ARID3A: variants seen among roughly 807,000 people sequenced by gnomAD.
ARID3A encodes AT-rich interactive domain-containing protein 3A.
ARID3A carries 11 observed loss-of-function variants against 52.7 expected under a neutral mutation model. The observed-to-expected ratio is 0.21, with a 90% confidence interval of 0.13 to 0.35. The LOEUF is 0.35. Ranked by LOEUF, ARID3A falls within the 10% of genes least tolerant of loss-of-function variation. The pLI is 1.00. For synonymous variants in ARID3A, 404 were observed against 359.4 expected (o/e 1.12, Z -1.40); for missense variants, 721 against 838.5 (o/e 0.86, Z 1.73).
Position 947,271 on chromosome 19 carries a change from GC to G in ARID3A, c.694-12818del, listed in dbSNP as rs2145405870. On this transcript the variant is annotated intron_variant, in intron 3 of 8. Coordinates refer to ENST00000263620, the MANE Select transcript of ARID3A (RefSeq NM_005224.3). The surrounding 1 kb of genome is among the most constrained non-coding windows in gnomAD (Gnocchi z 6.3). ...GATAGAGGGGCTGCTTAAGGCCAGT[GC>G]CCTCGGCGGAGACTCTATTAGGGAC... 6.6e-6 allele frequency among the ~76,000 whole-genome samples: 1 copy of G among 152,278 alleles called. No individual in the cohort carries two copies. The highest frequency in any genetic ancestry group is 6.5e-5 in the Admixed American group (1 of 15,290).
intron 2 of ARID3A, among the ~76,000 whole-genome samples, chr19:932,125 T>A (rs1038982447): frequency 2.0e-5 from 3 of 151,722 alleles, no homozygotes. Context: ...CCTCCCAGAG[T>A]GCTGCCGGGA....
intron 3 of ARID3A, among the ~76,000 whole-genome samples, chr19:954,589 G>A (rs2037874976): frequency 6.6e-6 from 1 of 152,234 alleles, no homozygotes. Flanking sequence ...CACACAGCTG[G>A]GGCCATGCGA....
rs1270074412 is a variant in ARID3A, at chr19:929,634, C to T, written c.106C>T (p.Pro36Ser). Reference sequence around the variant, plus strand: ...GCCCCCCGATCCCCCTGCTGCACCCCCCGGCCGGGCCCGGGCTGCCCCCGA... The same window carrying T: ...GCCCCCCGATCCCCCTGCTGCACCCTCCGGCCGGGCCCGGGCTGCCCCCGA... ...QLPPDPPAAP[P>S]GRARAAPDED... is the part of the protein sequence containing the mutation. Residue 36 changes from proline to serine, a missense_variant, in exon 2 of 9, where the codon CCC (proline) becomes TCC (serine). Physicochemically the swap from Pro to Ser is moderately conservative, Grantham distance 74. Transcript: ENST00000263620. The surrounding 1 kb of genome is among the most constrained non-coding windows in gnomAD (Gnocchi z 6.2). The T allele has an allele frequency of 1.9e-5, 29 of 1,527,978 alleles. No homozygotes were observed. The highest frequency in any genetic ancestry group is 3.9e-5 in the Admixed American group (2 of 50,656). 94.7% of individuals were successfully genotyped at this position (1,527,978 alleles called of 1,614,324 possible).
chr19:956,712 C>T (rs1453046218), intron 3 of ARID3A: 2 of 152,718 alleles, frequency 1.3e-5, no homozygotes, highest in Non-Finnish European at 2.9e-5. Flanking sequence ...GCCTCGACCA[C>T]CCAGGGCAGA....
In ARID3A at chr19:975,485, T is replaced by G. The variant is rs1452316578; in HGVS notation, c.*3420T>G. On this transcript the variant is annotated 3_prime_UTR_variant, in exon 9 of 9. Transcript: ENST00000263620. ...CCCCAATTGTGCTTTTGCATTTTTTTCCTTGGCAAATGTAAACTCAGCCTT... is the reference window on the plus strand; with the variant it reads ...CCCCAATTGTGCTTTTGCATTTTTTGCCTTGGCAAATGTAAACTCAGCCTT... 2.6e-5 allele frequency: 6 copies of G among 227,612 alleles called. No individual in the cohort carries two copies. The East Asian group carries it at 3.1e-4, about 12-fold the overall frequency. 14.1% of individuals were successfully genotyped at this position (227,612 alleles called of 1,614,324 possible). A position where few individuals can be genotyped will look rare whatever the true frequency, so the allele number is the denominator to read the frequency against.
chr19:958,390 TGCACTCCA>T (rs2037966508), intron 3 of ARID3A, among the ~76,000 whole-genome samples: 1 of 136,488 alleles, frequency 7.3e-6, no homozygotes, highest in South Asian at 2.2e-4. Context: ...ATCGCGCCAC[TGCACTCCA>T]GCCTGGGCGA....
In ARID3A at chr19:947,607, C is replaced by G. The variant is rs374842394; in HGVS notation, c.694-12485C>G. Among the ~76,000 whole-genome samples the G allele has an allele frequency of 6.6e-6, 1 of 152,166 alleles. No homozygotes were observed. The highest frequency in any genetic ancestry group is 1.5e-5 in the Non-Finnish European group (1 of 68,036). ...CAGGGTGGCGATCGCACGAAGGGCCCGTCACGGGAGAATGAGGAGGGTCTG... is the reference window on the plus strand; with the variant it reads ...CAGGGTGGCGATCGCACGAAGGGCCGGTCACGGGAGAATGAGGAGGGTCTG... On this transcript the variant is annotated intron_variant, in intron 3 of 8. Transcript: ENST00000263620. This position sits in a 1 kb window ranked among gnomAD's most constrained non-coding sequence, Gnocchi z 6.3.
chr19:948,920 G>T (rs1307379381), intron 3 of ARID3A, among the ~76,000 whole-genome samples: 2 of 152,054 alleles, frequency 1.3e-5, no homozygotes, highest in East Asian at 3.9e-4. Context: ...TGTTGGCCGG[G>T]CTGGTCTCAA....
intron 3 of ARID3A, among the ~76,000 whole-genome samples, chr19:933,655 A>T (rs28587615): frequency 1.3e-5 from 2 of 151,866 alleles, no homozygotes; most frequent in Non-Finnish European, 2.9e-5. Flanking sequence ...AGGAGGGGCC[A>T]AGGCACAGAC....
chr19:935,669 A>C (rs914950663), intron 3 of ARID3A, among the ~76,000 whole-genome samples: 1 of 151,854 alleles, frequency 6.6e-6, no homozygotes, highest in East Asian at 1.9e-4. Flanking sequence ...GGGTCTTGCT[A>C]TGTTGCCCAG....
intron 3 of ARID3A, among the ~76,000 whole-genome samples, chr19:934,656 A>T (rs8100938): frequency 0.015 from 2,303 of 152,044 alleles, 63 homozygotes; most frequent in African/African-American, 0.05. Context: ...GCTTGTGTGT[A>T]GGGACCGGGT....
intron 6 of ARID3A, 128 bp from the exon 7 acceptor site, chr19:966,444 G>T: frequency 1.2e-6 from 1 of 841,362 alleles, no homozygotes; most frequent in Non-Finnish European, 1.7e-6. Flanking sequence ...GGCAACAAGA[G>T]TGAAACTCCG....
In ARID3A at chr19:960,064, C is replaced by G. The variant is rs762479181; in HGVS notation, c.694-28C>G. Reference sequence around the variant, plus strand: ...TCCCACACCTGAGCTCTGGCACCAACTAACCCATCCCCTCTCCACCCTCAC... The same window carrying G: ...TCCCACACCTGAGCTCTGGCACCAAGTAACCCATCCCCTCTCCACCCTCAC... On this transcript the variant is annotated intron_variant, in intron 3 of 8. Transcript: ENST00000263620. The surrounding 1 kb of genome is among the most constrained non-coding windows in gnomAD (Gnocchi z 4.3). 12 of 1,602,648 alleles carry G rather than the reference C, an allele frequency of 7.5e-6. No individual in the cohort carries two copies. The highest frequency in any genetic ancestry group is 9.4e-6 in the Non-Finnish European group (11 of 1,171,738).
chr19:938,990 G>A lies in ARID3A; in HGVS notation c.693+6248G>A, dbSNP rs1473351815. On this transcript the variant is annotated intron_variant, in intron 3 of 8. Transcript: ENST00000263620. This position sits in a 1 kb window ranked among gnomAD's most constrained non-coding sequence, Gnocchi z 4.0. ...TTGTCACCCAGGCTGCAGTGCAATG[G>A]TGCAATCTCAGCTCACTGCAACCTC... 5.4e-5 allele frequency among the ~76,000 whole-genome samples: 8 copies of A among 148,698 alleles called. No individual in the cohort carries two copies. The highest frequency in any genetic ancestry group is 1.0e-4 in the Non-Finnish European group (7 of 67,618).
At chr19:965,155 T>A in intron 6 of ARID3A, 75 bp downstream of exon 6, 2 of 1,453,532 alleles carry the variant, frequency 1.4e-6, no homozygotes, top group Non-Finnish European at 1.8e-6. Context: ...GGGGGATACC[T>A]CTTCCCCTCT....
intron 6 of ARID3A, among the ~76,000 whole-genome samples, chr19:966,186 G>A (rs542968891): frequency 2.0e-5 from 3 of 149,080 alleles, no homozygotes; most frequent in East Asian, 2.0e-4. Flanking sequence ...AAGGCTGGGC[G>A]CGGTGGCTCA....
chr19:954,559 G>A (rs893081522), intron 3 of ARID3A, among the ~76,000 whole-genome samples: 6 of 152,254 alleles, frequency 3.9e-5, no homozygotes, highest in South Asian at 2.1e-4. Flanking sequence ...GCAGACAGAC[G>A]AGAGACAAAT....
Position 964,387 on chromosome 19 carries a change from C to T in ARID3A, c.906C>T (p.Asn302=). The T allele has an allele frequency of 6.2e-7, 1 of 1,612,072 alleles. No homozygotes were observed. Among genetic ancestry groups the T allele is most frequent in the Non-Finnish European group, 8.5e-7 (1 of 1,179,010 alleles). The change falls in exon 5 of 9, where the codon AAC becomes AAT. Residue 302 remains asparagine (N), a synonymous_variant. Coordinates refer to ENST00000263620, the MANE Select transcript of ARID3A (RefSeq NM_005224.3). The surrounding 1 kb of genome is among the most constrained non-coding windows in gnomAD (Gnocchi z 5.7). ...GGCGTGAGATCACCAAGGGCCTCAACCTGCCCACGTCCATCACCAGTGCAG... is the reference window on the plus strand; with the variant it reads ...GGCGTGAGATCACCAAGGGCCTCAATCTGCCCACGTCCATCACCAGTGCAG... ...KLWREITKGL[N]LPTSITSAAF...
intron 1 of ARID3A, among the ~76,000 whole-genome samples, chr19:927,335 G>A (rs567327325): frequency 7.4e-6 from 1 of 135,924 alleles, no homozygotes; most frequent in East Asian, 2.2e-4. Flanking sequence ...TCTGAAGGGG[G>A]TGGGCGTAGC....
Sources: allele counts gnomAD v4.1 joint callset (sites outside exome capture counted in the v4.1 genomes callset), GRCh38; gene constraint gnomAD v4.1.1; non-coding constraint Gnocchi (gnomAD v3.1); transcripts MANE v1.5; gene names NCBI Gene and HGNC (gene_info 2026-07-23, HGNC 2026-07-21).